NRG2: variants seen among roughly 807,000 people sequenced by gnomAD.
NRG2 encodes neuregulin 2.
In NRG2, 27 loss-of-function variants were observed where a neutral mutation model predicts 73.9. The ratio of observed to expected loss-of-function variants is 0.37; its 90% CI spans 0.27 to 0.50. The LOEUF (loss-of-function observed/expected upper bound fraction) is 0.50, where lower values mean the gene tolerates loss of function less well. Among genes scored for constraint, NRG2 ranks in the 20% least tolerant of loss-of-function variants. The probability of loss-of-function intolerance (pLI) is 0.96; values close to 1 mark genes in which losing one functional copy is unlikely to be tolerated. For synonymous variants in NRG2, 532 were observed against 541.0 expected (o/e 0.98, Z 0.23); for missense variants, 1,126 against 1,210.1 (o/e 0.93, Z 1.03).
chr5:140,014,346 C>T (rs2126651388), intron 1 of NRG2, among the ~76,000 whole-genome samples: 1 of 152,190 alleles, frequency 6.6e-6, no homozygotes, highest in South Asian at 2.1e-4. Flanking sequence ...AAGCATTTCT[C>T]GTGCCTCAGT....
intron 1 of NRG2, among the ~76,000 whole-genome samples, chr5:139,978,886 C>T (rs1756577299): frequency 6.6e-6 from 1 of 151,826 alleles, no homozygotes; most frequent in Non-Finnish European, 1.5e-5. Flanking sequence ...ACATATACAC[C>T]ATGGAATACT....
rs1010351206 is a variant in NRG2 at position 140,043,193 on chromosome 5, G to A, written c.-124C>T. Reference sequence around the variant, plus strand: ...CCTCTTAGCCCTCCACCGGCAGCCCGGGGAGGTGGCCCAGCTAGGGCAGGG... The same window carrying A: ...CCTCTTAGCCCTCCACCGGCAGCCCAGGGAGGTGGCCCAGCTAGGGCAGGG... On this transcript the variant is annotated 5_prime_UTR_variant, in exon 1 of 10. Transcript: ENST00000361474. This position sits in a 1 kb window ranked among gnomAD's most constrained non-coding sequence, Gnocchi z 6.7. 42 of 1,183,154 alleles carry A rather than the reference G, an allele frequency of 3.5e-5. No homozygotes were observed. Among genetic ancestry groups the A allele is most frequent in the Non-Finnish European group, 4.8e-5 (42 of 877,538 alleles). 73.3% of individuals were successfully genotyped at this position (1,183,154 alleles called of 1,614,324 possible).
At position 139,848,103 on chromosome 5, in the gene NRG2, C is replaced by A. The variant is rs1361541635; in HGVS notation, c.2367G>T (p.Ala789=). ...DDADDADGAL[A]AESTPFLGLR... ...GGCCCAGGAAAGGTGTGCTCTCGGC[C>A]GCCAGCGCCCCGTCCGCGTCGTCCG... is the stretch of plus-strand genomic sequence containing the variant. The change falls in exon 10 of 10, where the codon GCG becomes GCT. Residue 789 remains alanine (A), a synonymous_variant. Transcript: ENST00000361474. 1 of 1,478,484 alleles carries A rather than the reference C, an allele frequency of 6.8e-7. No homozygotes were observed. The allele number at this position is 1,478,484 out of a possible 1,614,324, so 91.6% of individuals were successfully genotyped here. A position where few individuals can be genotyped will look rare whatever the true frequency, so the allele number is the denominator to read the frequency against.
intron 1 of NRG2, among the ~76,000 whole-genome samples, chr5:140,005,459 T>C (rs1226500292): frequency 6.6e-6 from 1 of 152,208 alleles, no homozygotes; most frequent in Non-Finnish European, 1.5e-5. Context: ...GCACTATGCT[T>C]CTGTCTGACA....
At position 140,043,065 on chromosome 5, in the gene NRG2, C is replaced by T; in HGVS notation, c.5G>A (p.Arg2Gln). Residue 2 changes from arginine (R) to glutamine (Q), a missense_variant, in exon 1 of 10, where the codon CGG becomes CAG. Arg to Gln is a conservative substitution (Grantham distance 43, BLOSUM62 1). Around this residue, in one of 3 missense-constraint regions of NRG2, gnomAD observed 185 missense variants for 149.0 expected, o/e 1.24. Coordinates refer to ENST00000361474, the MANE Select transcript of NRG2 (RefSeq NM_004883.3). The surrounding 1 kb of genome is among the most constrained non-coding windows in gnomAD (Gnocchi z 6.7). ...CGGCAGCGCTGAGCAGCAAACCTGC[C>T]GCATCTGGCCAGGCCATTTGGGGGG... Reference protein sequence around the residue: MRQVCCSALPPP... With the variant: MQQVCCSALPPP... The T allele has an allele frequency of 6.4e-7, 1 of 1,561,832 alleles. No homozygotes were observed. The highest frequency in any genetic ancestry group is 8.6e-7 in the Non-Finnish European group (1 of 1,162,554).
intron 1 of NRG2, among the ~76,000 whole-genome samples, chr5:139,950,791 C>T (rs900610752): frequency 2.0e-5 from 3 of 152,198 alleles, no homozygotes; most frequent in Admixed American, 2.0e-4. Flanking sequence ...ATGGACCACT[C>T]CTTTCCCACA....
intron 1 of NRG2, among the ~76,000 whole-genome samples, chr5:139,936,034 T>C (rs1471611223): frequency 6.7e-6 from 1 of 150,312 alleles, no homozygotes; most frequent in Non-Finnish European, 1.5e-5. Flanking sequence ...AGCTTAAGCA[T>C]CACTTAGAGG....
chr5:140,021,278 C>A (rs959601204), intron 1 of NRG2, among the ~76,000 whole-genome samples: 4 of 152,218 alleles, frequency 2.6e-5, no homozygotes, highest in African/African-American at 9.6e-5. Flanking sequence ...GGAGTTTAAA[C>A]TGACATCTCT....
At chr5:139,896,724 T>C (rs1764565234) in intron 1 of NRG2, among the ~76,000 whole-genome samples, 1 of 152,160 alleles carries the variant, frequency 6.6e-6, no homozygotes, top group African/African-American at 2.4e-5. Context: ...TCCATTTGGC[T>C]TCTACCATGC....
chr5:139,956,358 C>A (rs1426093117), intron 1 of NRG2, among the ~76,000 whole-genome samples: 1 of 150,552 alleles, frequency 6.6e-6, no homozygotes, highest in Non-Finnish European at 1.5e-5. Context: ...ACAGTAATCT[C>A]CCCCCTCTCT....
chr5:140,042,505 C>T lies in NRG2; in HGVS notation c.565G>A (p.Glu189Lys), dbSNP rs753026496. 1 of 1,613,754 alleles carries T rather than the reference C, an allele frequency of 6.2e-7. No homozygotes were observed. Among genetic ancestry groups the T allele is most frequent in the Non-Finnish European group, 8.5e-7 (1 of 1,179,946 alleles). ...VISVGSCVPL[E>K]RNQRYIFFLE... Reference sequence around the variant, plus strand: ...AAAAAGATGTAGCGCTGGTTCCTTTCGAGCGGCACACAGGAGCCCACGCTG... The same window carrying T: ...AAAAAGATGTAGCGCTGGTTCCTTTTGAGCGGCACACAGGAGCCCACGCTG... Residue 189 changes from glutamate to lysine, a missense_variant, in exon 1 of 10, where the codon GAA (glutamate) becomes AAA (lysine). By Grantham distance (56) the Glu-to-Lys change is moderately conservative. Coordinates refer to ENST00000361474, the MANE Select transcript of NRG2 (RefSeq NM_004883.3).
intron 1 of NRG2, among the ~76,000 whole-genome samples, chr5:139,939,483 C>T (rs903814399): frequency 4.6e-5 from 7 of 152,044 alleles, no homozygotes; most frequent in African/African-American, 1.7e-4. Flanking sequence ...CCGTGTTGCC[C>T]AGGCTGGTCT....
intron 5 of NRG2, chr5:139,859,796 G>T: frequency 7.4e-7 from 1 of 1,349,396 alleles, no homozygotes; most frequent in South Asian, 1.3e-5. Flanking sequence ...TCCATTTTTT[G>T]GAAAGGAAAC....
intron 1 of NRG2, among the ~76,000 whole-genome samples, chr5:140,005,700 C>T (rs1361240627): frequency 6.6e-6 from 1 of 152,198 alleles, no homozygotes; most frequent in Non-Finnish European, 1.5e-5. Context: ...ACTTTGTTGC[C>T]CAGTCTAGCC....
chr5:140,011,073 T>A (rs185463270), intron 1 of NRG2, among the ~76,000 whole-genome samples: 276 of 152,356 alleles, frequency 1.8e-3, no homozygotes, highest in Admixed American at 2.9e-3. Flanking sequence ...CGCTTTCTTA[T>A]ATAAGCCTTC....
chr5:139,902,369 T>C (rs943497403), intron 1 of NRG2, among the ~76,000 whole-genome samples: 1 of 152,166 alleles, frequency 6.6e-6, no homozygotes, highest in South Asian at 2.1e-4. Flanking sequence ...CCTGGGTTTG[T>C]GTGGAGAGAG....
intron 1 of NRG2, among the ~76,000 whole-genome samples, chr5:139,899,587 C>A (rs1764748320): frequency 6.6e-6 from 1 of 152,258 alleles, no homozygotes; most frequent in South Asian, 2.1e-4. Flanking sequence ...GGCCTCAGTG[C>A]TACCCTCCTC....
chr5:139,855,855 C>T (rs1045561464), intron 5 of NRG2, 77 bp from the exon 6 acceptor site: 3 of 1,151,762 alleles, frequency 2.6e-6, no homozygotes, highest in Non-Finnish European at 3.9e-6. Context: ...GACCCCTTTG[C>T]CCCCAAAGCC....
intron 1 of NRG2, among the ~76,000 whole-genome samples, chr5:140,020,175 C>G (rs943260154): frequency 6.6e-6 from 1 of 152,112 alleles, no homozygotes; most frequent in African/African-American, 2.4e-5. Flanking sequence ...AAGTCCACAC[C>G]CAGAGAATCA....
Sources: allele counts gnomAD v4.1 joint callset (sites outside exome capture counted in the v4.1 genomes callset), GRCh38; gene constraint gnomAD v4.1.1; regional missense constraint gnomAD v4.1.1; non-coding constraint Gnocchi (gnomAD v3.1); transcripts MANE v1.5; gene names NCBI Gene and HGNC (gene_info 2026-07-23, HGNC 2026-07-21).